The following PCDHGA12 variants were observed in gnomAD, a reference collection of about 807,000 sequenced individuals.
PCDHGA12 encodes the protein protocadherin gamma-A12.
Under a neutral mutation model 61.1 loss-of-function variants are expected in PCDHGA12, and 43 were observed. That is an observed-to-expected ratio of 0.70 (90% confidence interval 0.55 to 0.91). The LOEUF is 0.91. PCDHGA12 is among the 40% of genes least tolerant of loss of function. The pLI is 0.00. For synonymous variants in PCDHGA12, 520 were observed against 542.9 expected (o/e 0.96, Z 0.59); for missense variants, 1,236 against 1,227.7 (o/e 1.01, Z -0.10).
chr5:141,505,249 G>T, intron 2 of PCDHGA12, 144 bp from the exon 3 acceptor site: 1 of 1,447,748 alleles, frequency 6.9e-7, no homozygotes, highest in Non-Finnish European at 9.2e-7. Flanking sequence ...GATTGTAGAA[G>T]TGCCTCCTAC....
At chr5:141,454,625 C>T (rs1193628253) in intron 1 of PCDHGA12, among the ~76,000 whole-genome samples, 2 of 151,512 alleles carry the variant, frequency 1.3e-5, no homozygotes, top group East Asian at 1.9e-4. Flanking sequence ...AGGCTGGTCT[C>T]GAACCCCCAA....
Position 141,512,836 on chromosome 5 carries a change from T to G in PCDHGA12, c.*1663T>G, listed in dbSNP as rs1024777792. On this transcript the variant is annotated 3_prime_UTR_variant, in exon 4 of 4. Transcript: ENST00000252085. ...GGCGACCCCCTCCCCCGTACTGACTTCTCCTATAAGCGCTTCTCTTCGCAT... is the reference window on the plus strand; with the variant it reads ...GGCGACCCCCTCCCCCGTACTGACTGCTCCTATAAGCGCTTCTCTTCGCAT... 2 of 152,222 alleles carry G rather than the reference T, an allele frequency of 1.3e-5. No homozygotes were observed. Among genetic ancestry groups the G allele is most frequent in the African/African-American group, 4.8e-5 (2 of 41,412 alleles). The allele number at this position is 152,222 out of a possible 1,614,324, so 9.4% of individuals were successfully genotyped here. A position where few individuals can be genotyped will look rare whatever the true frequency, so the allele number is the denominator to read the frequency against.
chr5:141,491,980 C>A lies in PCDHGA12; in HGVS notation c.2425-2827C>A. On this transcript the variant is annotated intron_variant, in intron 1 of 3. Coordinates refer to ENST00000252085, the MANE Select transcript of PCDHGA12 (RefSeq NM_003735.3). This position sits in a 1 kb window ranked among gnomAD's most constrained non-coding sequence, Gnocchi z 6.9. ...AAAAAAGGCCGGGGCCTCCTTCGAGCTTCCGGTGAATTTCGGGCGATTTCC... is the reference window on the plus strand; with the variant it reads ...AAAAAAGGCCGGGGCCTCCTTCGAGATTCCGGTGAATTTCGGGCGATTTCC... 1.3e-6 allele frequency: 1 copy of A among 784,426 alleles called. No homozygotes were observed. Among genetic ancestry groups the A allele is most frequent in the Non-Finnish European group, 1.9e-6 (1 of 530,582 alleles). The allele number at this position is 784,426 out of a possible 1,614,324, so 48.6% of individuals were successfully genotyped here.
chr5:141,460,656 ACTGTAAACACAGT>A (rs2098994793), intron 1 of PCDHGA12, among the ~76,000 whole-genome samples: 1 of 152,086 alleles, frequency 6.6e-6, no homozygotes, highest in Admixed American at 6.6e-5. Flanking sequence ...CACATATGTA[ACTGTAAACACAGT>A]TATATATCTA....
chr5:141,432,061 G>T lies in PCDHGA12; in HGVS notation c.1302G>T (p.Thr434=). Residue 434 remains threonine, a synonymous_variant, in exon 1 of 4, where the codon ACG becomes ACT. Coordinates refer to ENST00000252085, the MANE Select transcript of PCDHGA12 (RefSeq NM_003735.3). The surrounding 1 kb of genome is among the most constrained non-coding windows in gnomAD (Gnocchi z 6.0). ...ATDRGTPPLS[T]ETHISLNVAD... ...ACCGGGGAACCCCGCCCCTATCCAC[G>T]GAAACTCATATCTCGCTGAACGTGG... 1.9e-6 allele frequency: 3 copies of T among 1,614,130 alleles called. No homozygotes were observed. The highest frequency in any genetic ancestry group is 2.5e-6 in the Non-Finnish European group (3 of 1,180,034).
chr5:141,511,351 C>T lies in PCDHGA12; in HGVS notation c.*178C>T. The T allele has an allele frequency of 3.6e-6, 5 of 1,386,550 alleles. No individual in the cohort carries two copies. Among genetic ancestry groups the T allele is most frequent in the South Asian group, 1.5e-5 (1 of 67,154 alleles). The allele number at this position is 1,386,550 out of a possible 1,614,324, so 85.9% of individuals were successfully genotyped here. On this transcript the variant is annotated 3_prime_UTR_variant, in exon 4 of 4. Transcript: ENST00000252085. ...CCAGTCAGCACCTACCCCTTCCCCC[C>T]CAGGGGGTTGAATATGCAAAAGCAG...
rs1057374827 is a variant in PCDHGA12, at chr5:141,485,503, C to G, written c.2425-9304C>G. 3.1e-6 allele frequency: 5 copies of G among 1,613,978 alleles called. No homozygotes were observed. Among genetic ancestry groups the G allele is most frequent in the Non-Finnish European group, 4.2e-6 (5 of 1,180,016 alleles). On this transcript the variant is annotated intron_variant, in intron 1 of 3. Coordinates refer to ENST00000252085, the MANE Select transcript of PCDHGA12 (RefSeq NM_003735.3). This position sits in a 1 kb window ranked among gnomAD's most constrained non-coding sequence, Gnocchi z 5.7. ...GCATCGTGCCCCTGGAGTTTGTCACCGAAGGTCCTTTGGAAATGTACCGAG... is the reference window on the plus strand; with the variant it reads ...GCATCGTGCCCCTGGAGTTTGTCACGGAAGGTCCTTTGGAAATGTACCGAG...
chr5:141,482,588 C>T (rs559327092), intron 1 of PCDHGA12, among the ~76,000 whole-genome samples: 3 of 147,192 alleles, frequency 2.0e-5, no homozygotes, highest in Admixed American at 6.8e-5. Context: ...GCAGTGGGAC[C>T]AAACGGGAAA....
At chr5:141,492,512 T>A (rs2099741406) in intron 1 of PCDHGA12, among the ~76,000 whole-genome samples, 1 of 152,116 alleles carries the variant, frequency 6.6e-6, no homozygotes, top group Admixed American at 6.5e-5. Flanking sequence ...GAGCCTCCTC[T>A]CACCTCTCCC....
At chr5:141,470,034 C>T (rs1209263598) in intron 1 of PCDHGA12, among the ~76,000 whole-genome samples, 2 of 152,086 alleles carry the variant, frequency 1.3e-5, no homozygotes, top group Non-Finnish European at 2.9e-5. Flanking sequence ...GATGCTGAGG[C>T]GCGAGAACTG....
intron 1 of PCDHGA12, among the ~76,000 whole-genome samples, chr5:141,492,170 C>A (rs1383768075): frequency 6.6e-6 from 1 of 152,226 alleles, no homozygotes; most frequent in Non-Finnish European, 1.5e-5. Context: ...ATCCCCGCAT[C>A]ACCCAACCGC....
intron 1 of PCDHGA12, among the ~76,000 whole-genome samples, chr5:141,456,944 C>G (rs1172050038): frequency 6.6e-6 from 1 of 152,138 alleles, no homozygotes; most frequent in Non-Finnish European, 1.5e-5. Context: ...GCCTGGGCAA[C>G]AGAGCAAAAC....
Position 141,477,412 on chromosome 5 carries a change from C to T in PCDHGA12, c.2425-17395C>T. 6 of 1,614,168 alleles carry T rather than the reference C, an allele frequency of 3.7e-6. No individual in the cohort carries two copies. The highest frequency in any genetic ancestry group is 1.1e-5 in the South Asian group (1 of 91,082). On this transcript the variant is annotated intron_variant, in intron 1 of 3. Coordinates refer to ENST00000252085, the MANE Select transcript of PCDHGA12 (RefSeq NM_003735.3). This position sits in a 1 kb window ranked among gnomAD's most constrained non-coding sequence, Gnocchi z 4.9. ...ACCTCAGCATCACCGCCCGAGACGC[C>T]GGAACCCCTTCCCTCTCAGCCCTTA... is the stretch of plus-strand genomic sequence containing the variant.
At chr5:141,498,679 C>G (rs1454800332) in intron 2 of PCDHGA12, among the ~76,000 whole-genome samples, 1 of 152,170 alleles carries the variant, frequency 6.6e-6, no homozygotes, top group Admixed American at 6.5e-5. Flanking sequence ...CGCCTGTAAT[C>G]CCAGCACTTT....
At chr5:141,496,479 CAACCAACCA>C (rs1199646129) in intron 2 of PCDHGA12, among the ~76,000 whole-genome samples, 1 of 152,180 alleles carries the variant, frequency 6.6e-6, no homozygotes, top group Non-Finnish European at 1.5e-5. Context: ...CCCCATCCTG[CAACCAACCA>C]AACCCTTGTT....
chr5:141,463,176 C>CA (rs2099054640), intron 1 of PCDHGA12, among the ~76,000 whole-genome samples: 1 of 152,100 alleles, frequency 6.6e-6, no homozygotes, highest in African/African-American at 2.4e-5. Flanking sequence ...TATGTATGCT[C>CA]AGATTATTAT....
chr5:141,503,045 G>A (rs543484478), intron 2 of PCDHGA12, among the ~76,000 whole-genome samples: 1 of 151,702 alleles, frequency 6.6e-6, no homozygotes, highest in South Asian at 2.1e-4. Context: ...AGTTGAGACA[G>A]GGTTTCACCA....
chr5:141,481,085 A>T (rs1200522212), intron 1 of PCDHGA12, among the ~76,000 whole-genome samples: 1 of 152,192 alleles, frequency 6.6e-6, no homozygotes, highest in African/African-American at 2.4e-5. Flanking sequence ...AAGAAAAAAG[A>T]AAAGCAGTAC....
In PCDHGA12 at chr5:141,432,219, T is replaced by A. The variant is rs1327611752; in HGVS notation, c.1460T>A (p.Ile487Asn). 6.2e-7 allele frequency: 1 copy of A among 1,614,122 alleles called. No homozygotes were observed. Among genetic ancestry groups the A allele is most frequent in the East Asian group, 2.2e-5 (1 of 44,868 alleles). Residue 487 changes from isoleucine to asparagine, a missense_variant, in exon 1 of 4, where the codon ATC (isoleucine) becomes AAC (asparagine). Transcript: ENST00000252085. The surrounding 1 kb of genome is among the most constrained non-coding windows in gnomAD (Gnocchi z 6.0). ...HDPDCEENAQ[I>N]TYSLAENTIQ... The stretch of plus-strand genomic sequence containing the variant: ...CCCGACTGTGAAGAGAACGCCCAGA[T>A]CACTTATTCCCTGGCTGAGAACACC...
Sources: allele counts gnomAD v4.1 joint callset (sites outside exome capture counted in the v4.1 genomes callset), GRCh38; gene constraint gnomAD v4.1.1; non-coding constraint Gnocchi (gnomAD v3.1); transcripts MANE v1.5; gene names NCBI Gene and HGNC (gene_info 2026-07-23, HGNC 2026-07-21).